Variants in LRRFIP2 observed in about 807,000 individuals in gnomAD.
LRRFIP2 encodes the protein leucine-rich repeat flightless-interacting protein 2.
LRRFIP2 carries 109 observed loss-of-function variants against 125.9 expected under a neutral mutation model. The ratio of observed to expected loss-of-function variants is 0.87; its 90% CI spans 0.74 to 1.01. The LOEUF (loss-of-function observed/expected upper bound fraction) is 1.01, where lower values mean the gene tolerates loss of function less well. Among genes scored for constraint, LRRFIP2 ranks in the 50% least tolerant of loss-of-function variants. The pLI, the probability that LRRFIP2 is intolerant of heterozygous loss-of-function variation, is 0.00. For synonymous variants in LRRFIP2, 291 were observed against 293.1 expected, an observed-to-expected ratio of 0.99 and a Z score of 0.07; for missense variants, 850 against 862.3, an observed-to-expected ratio of 0.99 and a Z score of 0.18.
intron 1 of LRRFIP2, among the ~76,000 whole-genome samples, chr3:37,169,842 AATGAAGGTGTTTAT>A (rs1228484529): frequency 1.3e-5 from 2 of 152,234 alleles, no homozygotes; most frequent in Non-Finnish European, 2.9e-5. Flanking sequence ...ATGATTCTTT[AATGAAGGTGTTTAT>A]ATTCCACCTC....
At chr3:37,072,766 C>A in intron 21 of LRRFIP2, 24 bp downstream of exon 21, 5 of 1,471,596 alleles carry the variant, frequency 3.4e-6, no homozygotes, top group Non-Finnish European at 4.8e-6. Flanking sequence ...GAGCTTCTAA[C>A]CAAAGCCCAA....
intron 1 of LRRFIP2, among the ~76,000 whole-genome samples, chr3:37,161,334 G>A (rs1381703581): frequency 2.6e-5 from 4 of 151,914 alleles, no homozygotes. Context: ...CGTCCAGCCT[G>A]GGCAAAAAGC....
At chr3:37,131,920 C>T (rs150138456) in intron 2 of LRRFIP2, among the ~76,000 whole-genome samples, 50 of 152,328 alleles carry the variant, frequency 3.3e-4, no homozygotes, top group African/African-American at 1.2e-3. Flanking sequence ...CCAATTGTGG[C>T]AATTTCCCAG....
intron 1 of LRRFIP2, chr3:37,172,696 A>C (rs1292121125): frequency 6.6e-6 from 1 of 152,192 alleles, no homozygotes; most frequent in Non-Finnish European, 1.5e-5. Flanking sequence ...AAATGCATAC[A>C]TATGTTCCCT....
chr3:37,136,449 A>G (rs897173975), intron 2 of LRRFIP2, among the ~76,000 whole-genome samples: 2 of 152,178 alleles, frequency 1.3e-5, no homozygotes, highest in African/African-American at 2.4e-5. Flanking sequence ...ATTATATCTC[A>G]ATTTAAATTT....
In LRRFIP2 at chr3:37,114,955, A is replaced by G. The variant is rs931857954; in HGVS notation, c.372+99T>C. On this transcript the variant is annotated intron_variant, in intron 7 of 27. Transcript: ENST00000336686. ...AGTCACACATTTTCCCCAAAAGTTCATAACAAAGCCATGAAAGTTAGTCAT... is the reference window on the plus strand; with the variant it reads ...AGTCACACATTTTCCCCAAAAGTTCGTAACAAAGCCATGAAAGTTAGTCAT... 6.2e-5 allele frequency: 60 copies of G among 963,744 alleles called. No individual in the cohort carries two copies. In the African/African-American group the frequency reaches 7.0e-4, roughly 11 times the overall value. The allele number at this position is 963,744 out of a possible 1,614,324, so 59.7% of individuals were successfully genotyped here.
chr3:37,117,440 CA>C (rs2094841042), intron 6 of LRRFIP2, among the ~76,000 whole-genome samples: 1 of 151,640 alleles, frequency 6.6e-6, no homozygotes, highest in Non-Finnish European at 1.5e-5. Flanking sequence ...GAACAATGGG[CA>C]AACAAAAAAA....
At chr3:37,091,563 T>C (rs2093437706) in intron 17 of LRRFIP2, 25 bp from the exon 18 acceptor site, 3 of 1,529,072 alleles carry the variant, frequency 2.0e-6, no homozygotes, top group Non-Finnish European at 2.7e-6. Context: ...AATGAACCAT[T>C]GCATAAAACC....
At chr3:37,087,594 T>A (rs1400917360) in intron 18 of LRRFIP2, among the ~76,000 whole-genome samples, 1 of 148,410 alleles carries the variant, frequency 6.7e-6, no homozygotes, top group Non-Finnish European at 1.5e-5. Context: ...AAATGCTTCT[T>A]TTTTTTTTTT....
At chr3:37,138,147 A>C (rs1026553470) in intron 2 of LRRFIP2, among the ~76,000 whole-genome samples, 31 of 152,252 alleles carry the variant, frequency 2.0e-4, no homozygotes, top group African/African-American at 7.2e-4. Flanking sequence ...AAAATGTCTC[A>C]AAGTAAAACG....
rs768362515 is a variant in LRRFIP2, at chr3:37,053,856, G to C, written c.2161C>G (p.Gln721Glu). The change falls in exon 28 of 28, where the codon CAG (glutamine) becomes GAG (glutamate). Residue 721 changes from glutamine to glutamate, a missense_variant. Coordinates refer to ENST00000336686, the MANE Select transcript of LRRFIP2 (RefSeq NM_006309.4). The stretch of plus-strand genomic sequence containing the variant: ...CAGGTTGAAGGGTGGTTTTCCTACT[G>C]CTGGGCCAGAAGTGCTGTCCTATTG... The part of the protein sequence containing the change: ...KANRTALLAQ[Q>E] 5 of 1,612,504 alleles carry C rather than the reference G, an allele frequency of 3.1e-6. No individual in the cohort carries two copies. The highest frequency in any genetic ancestry group is 3.3e-5 in the Admixed American group (2 of 60,028).
rs536376155 is a variant in LRRFIP2, at chr3:37,142,742, G to A, written c.90+6152C>T. On this transcript the variant is annotated intron_variant, in intron 2 of 27. Coordinates refer to ENST00000336686, the MANE Select transcript of LRRFIP2 (RefSeq NM_006309.4). The stretch of plus-strand genomic sequence containing the variant: ...CTGAACACATCATGAGCATCACTTC[G>A]GGAGAAAACCAATTTTGTTGGGGAA... 5.3e-5 allele frequency among the ~76,000 whole-genome samples: 8 copies of A among 152,182 alleles called. No homozygotes were observed. In the East Asian group the frequency reaches 5.8e-4, roughly 11 times the overall value.
At chr3:37,059,751 C>T (rs1324267764) in intron 24 of LRRFIP2, among the ~76,000 whole-genome samples, 1 of 151,374 alleles carries the variant, frequency 6.6e-6, no homozygotes, top group Admixed American at 6.6e-5. Context: ...CACATCACTG[C>T]ACTCCAGCCT....
At chr3:37,091,560 C>T in intron 17 of LRRFIP2, 22 bp from the exon 18 acceptor site, 1 of 1,553,298 alleles carries the variant, frequency 6.4e-7, no homozygotes. Context: ...AGGAATGAAC[C>T]ATTGCATAAA....
chr3:37,108,690 G>T lies in LRRFIP2; in HGVS notation c.610-6C>A. ...CCACCATTGTACAATGATGCCTAAGGAACAAAGGAAATATCACTTAGCTAT... is the reference window on the plus strand; with the variant it reads ...CCACCATTGTACAATGATGCCTAAGTAACAAAGGAAATATCACTTAGCTAT... On this transcript the variant is annotated splice_region_variant and splice_polypyrimidine_tract_variant and intron_variant, in intron 11 of 27. Coordinates refer to ENST00000336686, the MANE Select transcript of LRRFIP2 (RefSeq NM_006309.4). 1.2e-6 allele frequency: 2 copies of T among 1,604,822 alleles called. No homozygotes were observed. Among genetic ancestry groups the T allele is most frequent in the Non-Finnish European group, 1.7e-6 (2 of 1,172,316 alleles).
chr3:37,097,193 G>C (rs1446663617), intron 15 of LRRFIP2, among the ~76,000 whole-genome samples: 1 of 140,722 alleles, frequency 7.1e-6, no homozygotes, highest in Non-Finnish European at 1.5e-5. Flanking sequence ...ACATGCACAT[G>C]ACCAAAAAAA....
At chr3:37,058,747 A>G (rs1559640898) in intron 25 of LRRFIP2, 43 bp downstream of exon 25, 3 of 1,591,940 alleles carry the variant, frequency 1.9e-6, no homozygotes, top group Non-Finnish European at 1.7e-6. Flanking sequence ...CCTGGGACAC[A>G]GTCTATATAC....
At position 37,111,067 on chromosome 3, in the gene LRRFIP2, T is replaced by C. The variant is rs1362405771; in HGVS notation, c.439-2A>G. On this transcript the variant is annotated splice_acceptor_variant, in intron 8 of 27. Transcript: ENST00000336686. LOFTEE classifies it high-confidence loss of function. Reference sequence around the variant, plus strand: ...TCTCTGGTCAAAGTAGAGGCCACTCTGCAAAAAGCAAAATTAAACACATTT... The same window carrying C: ...TCTCTGGTCAAAGTAGAGGCCACTCCGCAAAAAGCAAAATTAAACACATTT... The C allele has an allele frequency of 4.3e-6, 7 of 1,612,878 alleles. No individual in the cohort carries two copies. The highest frequency in any genetic ancestry group is 5.1e-6 in the Non-Finnish European group (6 of 1,179,376).
At chr3:37,123,574 A>G (rs1016358871) in intron 4 of LRRFIP2, among the ~76,000 whole-genome samples, 3 of 152,210 alleles carry the variant, frequency 2.0e-5, no homozygotes, top group Non-Finnish European at 4.4e-5. Flanking sequence ...ATCAACCACG[A>G]AAGTTTTGGG....
Sources: gnomAD v4.1 joint callset for allele counts (sites outside exome capture counted in the v4.1 genomes callset) on GRCh38, gnomAD v4.1.1 for gene constraint, MANE v1.5 for transcripts, NCBI Gene and HGNC (gene_info 2026-07-23, HGNC 2026-07-21) for gene names.